Variants in CCM2L observed in about 807,000 individuals in gnomAD.
CCM2L encodes CCM2 like scaffold protein.
A neutral mutation model predicts 54.1 loss-of-function variants in CCM2L; 36 were observed. The observed-to-expected ratio is 0.67, with a 90% CI of 0.51 to 0.88. The LOEUF is 0.88. Among genes scored for constraint, CCM2L ranks in the 40% least tolerant of loss-of-function variants. The probability of loss-of-function intolerance (pLI) is 0.00; values close to 1 mark genes in which losing one functional copy is unlikely to be tolerated. For synonymous variants in CCM2L, 351 were observed against 359.3 expected, an observed-to-expected ratio of 0.98 and a Z score of 0.26; for missense variants, 700 against 812.1, an observed-to-expected ratio of 0.86 and a Z score of 1.68.
rs2064753840 is a variant in CCM2L at position 32,017,895 on chromosome 20, G to A, written c.282+12G>A. On this transcript the variant is annotated intron_variant, in intron 3 of 9. Coordinates refer to ENST00000452892, the MANE Select transcript of CCM2L (RefSeq NM_001365692.1). ...TAGACACCGCCAGGGTGAGACTCTG[G>A]GGAGGGAGGAGGGCAGGATCTCGCT... The A allele has an allele frequency of 6.2e-7, 1 of 1,613,710 alleles. No individual in the cohort carries two copies. Among genetic ancestry groups the A allele is most frequent in the African/African-American group, 1.3e-5 (1 of 74,852 alleles).
At position 32,018,168 on chromosome 20, in the gene CCM2L, GCGGGA is replaced by G; in HGVS notation, c.466+7_466+11del. The G allele has an allele frequency of 7.4e-7, 1 of 1,344,928 alleles. No homozygotes were observed. The highest frequency in any genetic ancestry group is 9.7e-7 in the Non-Finnish European group (1 of 1,030,276). The allele number at this position is 1,344,928 out of a possible 1,614,324, so 83.3% of individuals were successfully genotyped here. ...CCTGCTAGTGCTCAAGACCGGTGCG[GCGGGA>G]GGGGGCGGGGGCGGGGGAGGGGCGG... On this transcript the variant is annotated splice_region_variant and intron_variant, in intron 4 of 9. Coordinates refer to ENST00000452892, the MANE Select transcript of CCM2L (RefSeq NM_001365692.1).
intron 2 of CCM2L, among the ~76,000 whole-genome samples, chr20:32,016,451 C>T (rs1449622354): frequency 6.6e-6 from 1 of 151,494 alleles, no homozygotes; most frequent in Non-Finnish European, 1.5e-5. Context: ...TCAAGACCAG[C>T]CTGGCCATCT....
rs761054087 is a variant in CCM2L, at chr20:32,014,989, T to C, written c.116T>C (p.Leu39Pro). 3 of 1,584,014 alleles carry C rather than the reference T, an allele frequency of 1.9e-6. No homozygotes were observed. The highest frequency in any genetic ancestry group is 1.1e-5 in the South Asian group (1 of 88,172). The change falls in exon 2 of 10, where the codon CTG becomes CCG. Residue 39 changes from leucine to proline, a missense_variant. Coordinates refer to ENST00000452892, the MANE Select transcript of CCM2L (RefSeq NM_001365692.1). ...ACRSSVSRRP[L>P]HSMPLYPPDY... ...AGGAGCAGCGTGAGCCGCCGGCCCC[T>C]GCACTCGATGCCCCTTTATCCCCCC...
In CCM2L at chr20:32,031,009, C is replaced by G. The variant is rs1186556862; in HGVS notation, c.1411C>G (p.Pro471Ala). The G allele has an allele frequency of 3.8e-6, 5 of 1,304,104 alleles. No homozygotes were observed. The highest frequency in any genetic ancestry group is 4.0e-6 in the Non-Finnish European group (4 of 988,906). The allele number at this position is 1,304,104 out of a possible 1,614,324, so 80.8% of individuals were successfully genotyped here. The change falls in exon 10 of 10, where the codon CCC becomes GCC. Residue 471 changes from proline to alanine, a missense_variant. Pro to Ala is a conservative substitution (Grantham distance 27). Transcript: ENST00000452892. The stretch of plus-strand genomic sequence containing the variant: ...TGCCCCTCGGCTCGCAGGGATGCGG[C>G]CCTTCATCCCGGACCAGGACATCGG... ...RRKFLLLGMR[P>A]FIPDQDIGYF...
intron 7 of CCM2L, chr20:32,028,224 G>A (rs1326648973): frequency 6.6e-6 from 1 of 152,196 alleles, no homozygotes; most frequent in African/African-American, 2.4e-5. Context: ...GATTGCTTGA[G>A]GTGAGGCATT....
At chr20:32,018,869 C>G in intron 4 of CCM2L, 74 bp from the exon 5 acceptor site, 1 of 1,237,602 alleles carries the variant, frequency 8.1e-7, no homozygotes, top group Non-Finnish European at 1.0e-6. Flanking sequence ...GTCAGGTGGC[C>G]AGCCGGCCTC....
At chr20:32,030,930 G>A (rs2122379659) in intron 9 of CCM2L, 71 bp from the exon 10 acceptor site, 8 of 1,257,024 alleles carry the variant, frequency 6.4e-6, no homozygotes, top group African/African-American at 1.6e-5. Flanking sequence ...CAGATCTGCA[G>A]AGAGGACGCT....
intron 6 of CCM2L, among the ~76,000 whole-genome samples, chr20:32,023,268 C>T (rs2064824035): frequency 6.6e-6 from 1 of 152,236 alleles, no homozygotes; most frequent in African/African-American, 2.4e-5. Flanking sequence ...CTGCACCCAG[C>T]CATCAGTTTT....
chr20:32,024,871 T>C (rs934707862), intron 6 of CCM2L, among the ~76,000 whole-genome samples: 5 of 152,252 alleles, frequency 3.3e-5, no homozygotes, highest in Middle Eastern at 3.4e-3. Context: ...GAATGTATAA[T>C]GAGGAACTGG....
In CCM2L at chr20:32,019,070, C is replaced by T. The variant is rs2064772426; in HGVS notation, c.594C>T (p.Ile198=). The change falls in exon 5 of 10, where the codon ATC becomes ATT. Residue 198 remains isoleucine (I), a synonymous_variant. Transcript: ENST00000452892. The stretch of plus-strand genomic sequence containing the variant: ...GCACCGCGGAGCGGCGCCACACCAT[C>T]TGCAGCCTGGACTGGCGGATGGGGT... ...RVGTAERRHT[I]CSLDWRMGWG... 8.0e-7 allele frequency: 1 copy of T among 1,244,222 alleles called. No homozygotes were observed. The highest frequency in any genetic ancestry group is 3.0e-5 in the South Asian group (1 of 32,790). The allele number at this position is 1,244,222 out of a possible 1,614,324, so 77.1% of individuals were successfully genotyped here. A position where few individuals can be genotyped will look rare whatever the true frequency, so the allele number is the denominator to read the frequency against.
In CCM2L at chr20:32,019,100, TG is replaced by T; in HGVS notation, c.629del (p.Gly210AlafsTer99). ...CSLDWRMGWG[G>X]GAAEARAGGG... ...GCCTGGACTGGCGGATGGGGTGGGG[TG>T]GGGGCGCCGCGGAGGCCCGGGCCGG... On this transcript the variant is annotated frameshift_variant, in exon 5 of 10. Transcript: ENST00000452892. LOFTEE classifies it high-confidence loss of function. 1.3e-5 allele frequency: 15 copies of T among 1,167,150 alleles called. No individual in the cohort carries two copies. The highest frequency in any genetic ancestry group is 1.6e-5 in the Non-Finnish European group (15 of 949,300). 72.3% of individuals were successfully genotyped at this position (1,167,150 alleles called of 1,614,324 possible).
In CCM2L at chr20:32,019,416, C is replaced by T; in HGVS notation, c.933+7C>T. 6.6e-7 allele frequency: 1 copy of T among 1,508,378 alleles called. No individual in the cohort carries two copies. 93.4% of individuals were successfully genotyped at this position (1,508,378 alleles called of 1,614,324 possible). A position where few individuals can be genotyped will look rare whatever the true frequency, so the allele number is the denominator to read the frequency against. ...CCTGGCTGTAGCCAACAGGGTGAGC[C>T]CGAGGGCAGCCTGCTCCCAAAGCCC... On this transcript the variant is annotated splice_region_variant and intron_variant, in intron 5 of 9. Coordinates refer to ENST00000452892, the MANE Select transcript of CCM2L (RefSeq NM_001365692.1).
rs1386562668 is a variant in CCM2L at position 32,032,060 on chromosome 20, A to G, written c.*746A>G. ...GTGCCTCCCGTTACCCCATCTGTCCAGTGAGCTCAGCCCCCATCCACCTAA... is the reference window on the plus strand; with the variant it reads ...GTGCCTCCCGTTACCCCATCTGTCCGGTGAGCTCAGCCCCCATCCACCTAA... On this transcript the variant is annotated 3_prime_UTR_variant, in exon 10 of 10. Transcript: ENST00000452892. 6.6e-6 allele frequency: 1 copy of G among 152,366 alleles called. No homozygotes were observed. Among genetic ancestry groups the G allele is most frequent in the East Asian group, 1.9e-4 (1 of 5,176 alleles). 9.4% of individuals were successfully genotyped at this position (152,366 alleles called of 1,614,324 possible).
chr20:32,019,501 T>A, intron 5 of CCM2L, 92 bp downstream of exon 5: 1 of 896,396 alleles, frequency 1.1e-6, no homozygotes, highest in Non-Finnish European at 1.5e-6. Context: ...ACCAGGTTCC[T>A]AGGATCTGCC....
chr20:32,019,956 G>A (rs1450953692), intron 5 of CCM2L, among the ~76,000 whole-genome samples: 1 of 152,196 alleles, frequency 6.6e-6, no homozygotes, highest in Non-Finnish European at 1.5e-5. Context: ...CCACCCAAGA[G>A]AGAAGCCTTC....
intron 7 of CCM2L, among the ~76,000 whole-genome samples, chr20:32,026,939 T>C (rs1487668138): frequency 6.6e-6 from 1 of 151,660 alleles, no homozygotes; most frequent in African/African-American, 2.4e-5. Flanking sequence ...TCCCAACACT[T>C]TGGGAGGGCA....
At chr20:32,015,606 G>A (rs762794647) in intron 2 of CCM2L, among the ~76,000 whole-genome samples, 1 of 152,236 alleles carries the variant, frequency 6.6e-6, no homozygotes, top group African/African-American at 2.4e-5. Context: ...ATATGTGTGT[G>A]TGTGTAAGGT....
intron 6 of CCM2L, 145 bp downstream of exon 6, chr20:32,022,940 T>A (rs1222340587): frequency 1.1e-6 from 1 of 887,778 alleles, no homozygotes; most frequent in Non-Finnish European, 1.6e-6. Context: ...CAATTGTAGG[T>A]GAAATGTCAA....
intron 7 of CCM2L, among the ~76,000 whole-genome samples, chr20:32,026,686 G>A (rs1260558015): frequency 6.6e-6 from 1 of 152,024 alleles, no homozygotes; most frequent in Non-Finnish European, 1.5e-5. Flanking sequence ...AACCATCCTG[G>A]GCAACATGGC....
Sources: gnomAD v4.1 joint callset for allele counts (sites outside exome capture counted in the v4.1 genomes callset) on GRCh38, gnomAD v4.1.1 for gene constraint, MANE v1.5 for transcripts, NCBI Gene and HGNC (gene_info 2026-07-23, HGNC 2026-07-21) for gene names.